GSE1: variants seen among roughly 807,000 people sequenced by gnomAD.
GSE1 encodes genetic suppressor element 1.
In GSE1, 32 loss-of-function variants were observed where a neutral mutation model predicts 112.6. The observed-to-expected ratio is 0.28, with a 90% CI of 0.21 to 0.38. The LOEUF (loss-of-function observed/expected upper bound fraction) is 0.38. GSE1 is among the 10% of genes least tolerant of loss of function. The pLI, the probability that GSE1 is intolerant of heterozygous loss-of-function variation, is 1.00. For synonymous variants in GSE1, 1,115 were observed against 735.6 expected, an observed-to-expected ratio of 1.52 and a Z score of -8.35; for missense variants, 2,348 against 1,699.2, an observed-to-expected ratio of 1.38 and a Z score of -6.71.
At chr16:85,288,490 G>A (rs571298548) in intron 1 of GSE1, among the ~76,000 whole-genome samples, 125 of 152,308 alleles carry the variant, frequency 8.2e-4, no homozygotes, top group Middle Eastern at 3.4e-3. Flanking sequence ...TGGGGGCACT[G>A]GGGAGGTGGA....
chr16:85,422,079 T>G (rs8046241), intron 2 of GSE1, among the ~76,000 whole-genome samples: 3 of 152,084 alleles, frequency 2.0e-5, no homozygotes, highest in African/African-American at 7.3e-5. Context: ...ATGGAAAAGC[T>G]GCACCTCTGA....
rs1491368756 is a variant in GSE1 at position 85,556,151 on chromosome 16, GGA to G, written c.-175_-174del. On this transcript the variant is annotated 5_prime_UTR_variant, in exon 1 of 3. Transcript: ENST00000635906. ...TTGATCATCTTGCGGGGCGGGGGGGGGAAAGACTGATTTTTTTTTTTCGTCGC... is the reference window on the plus strand; with the variant it reads ...TTGATCATCTTGCGGGGCGGGGGGGGAAGACTGATTTTTTTTTTTCGTCGC... The G allele has an allele frequency of 1.1e-5, 10 of 928,526 alleles. No homozygotes were observed. The African/African-American group carries it at 1.4e-4, about 13-fold the overall frequency. 57.5% of individuals were successfully genotyped at this position (928,526 alleles called of 1,614,324 possible).
intron 2 of GSE1, among the ~76,000 whole-genome samples, chr16:85,520,348 G>T (rs1013201973): frequency 3.3e-5 from 5 of 151,078 alleles, no homozygotes; most frequent in Non-Finnish European, 7.4e-5. Flanking sequence ...TTGGAGGCGG[G>T]GACACAAACA....
chr16:85,671,136 C>T (rs371261948), intron 15 of GSE1, 38 bp downstream of exon 15: 3 of 1,194,616 alleles, frequency 2.5e-6, no homozygotes, highest in African/African-American at 3.0e-5. Flanking sequence ...AAACACGCAA[C>T]CTTTTGAGTT....
intron 1 of GSE1, among the ~76,000 whole-genome samples, chr16:85,276,584 C>T (rs1246317312): frequency 1.3e-5 from 2 of 152,214 alleles, no homozygotes; most frequent in East Asian, 1.9e-4. Context: ...AGAAAGGGCC[C>T]GGGTTCGGGG....
intron 2 of GSE1, among the ~76,000 whole-genome samples, chr16:85,389,675 G>A (rs896372874): frequency 1.3e-5 from 2 of 152,190 alleles, no homozygotes; most frequent in East Asian, 1.9e-4. Flanking sequence ...TGCTCTCACG[G>A]CTGAGCCCCC....
intron 1 of GSE1, among the ~76,000 whole-genome samples, chr16:85,336,900 G>A (rs899015346): frequency 1.5e-4 from 23 of 152,182 alleles, no homozygotes; most frequent in Admixed American, 7.9e-4. Flanking sequence ...AGGCACACAC[G>A]TTCGTGTACA....
chr16:85,536,224 T>G (rs1242342207), intron 2 of GSE1, among the ~76,000 whole-genome samples: 1 of 152,218 alleles, frequency 6.6e-6, no homozygotes, highest in African/African-American at 2.4e-5. Context: ...GTTCTCTCCG[T>G]GGGGCCTCCC....
chr16:85,390,347 G>A (rs957979416), intron 2 of GSE1, among the ~76,000 whole-genome samples: 2 of 152,154 alleles, frequency 1.3e-5, no homozygotes, highest in African/African-American at 4.8e-5. Context: ...GGCCTCCTTT[G>A]CTTTCTGGCA....
chr16:85,510,403 C>T (rs1244180880), intron 2 of GSE1, among the ~76,000 whole-genome samples: 2 of 56,292 alleles, frequency 3.6e-5, no homozygotes, highest in South Asian at 7.8e-4. Context: ...AGGGCCCGAG[C>T]GTGCGTGTGT....
intron 1 of GSE1, among the ~76,000 whole-genome samples, chr16:85,301,856 G>C (rs1259154148): frequency 6.6e-6 from 1 of 152,184 alleles, no homozygotes. Context: ...CCAGGAACCC[G>C]TGACCTTGTC....
chr16:85,170,012 G>C, exon 1 of GSE1: 1 of 984,562 alleles, frequency 1.0e-6, no homozygotes. Flanking sequence ...CGGCTGCGCG[G>C]GGCCGCGGAG....
intron 1 of GSE1, among the ~76,000 whole-genome samples, chr16:85,205,117 TTTTA>T (rs1224329462): frequency 6.6e-6 from 1 of 152,030 alleles, no homozygotes; most frequent in African/African-American, 2.4e-5. Context: ...CTCCTTTAAT[TTTTA>T]TTTATTTATT....
At chr16:85,348,767 T>C (rs973348207) in intron 1 of GSE1, among the ~76,000 whole-genome samples, 18 of 152,176 alleles carry the variant, frequency 1.2e-4, no homozygotes, top group Non-Finnish European at 2.1e-4. Context: ...CTCGGGCAGC[T>C]GCAGCCAGCC....
intron 2 of GSE1, among the ~76,000 whole-genome samples, chr16:85,416,525 C>A (rs12921982): frequency 6.6e-6 from 1 of 151,998 alleles, no homozygotes; most frequent in Non-Finnish European, 1.5e-5. Flanking sequence ...ACGTGGGATG[C>A]GGTGTGCCCA....
intron 2 of GSE1, among the ~76,000 whole-genome samples, chr16:85,511,991 C>T (rs1316221593): frequency 6.6e-6 from 1 of 152,212 alleles, no homozygotes; most frequent in Non-Finnish European, 1.5e-5. Context: ...TCTCCCACTG[C>T]TCTGTAGTCA....
At position 85,269,192 on chromosome 16, in the gene GSE1, A is replaced by G. The variant is rs563834315; in HGVS notation, c.2284-88271A>G. On this transcript the variant is annotated intron_variant, in intron 1 of 2. Transcript: ENST00000637419. ...ATCTAATATGGAGAGATGAAAATAA[A>G]TGAGCCACCCCCACCTCCAATTTAC... Among the ~76,000 whole-genome samples, 641 of 149,496 alleles carry G rather than the reference A, an allele frequency of 4.3e-3. 79 individuals carry two copies. Among genetic ancestry groups the G allele is most frequent in the Non-Finnish European group, 5.6e-3 (371 of 66,254 alleles).
chr16:85,644,945 C>T (rs1410721875), intron 2 of GSE1, among the ~76,000 whole-genome samples: 1 of 151,874 alleles, frequency 6.6e-6, no homozygotes, highest in Non-Finnish European at 1.5e-5. Context: ...AATCTAAATA[C>T]ATACAGAAAA....
chr16:85,525,188 G>A (rs13334135), intron 2 of GSE1, among the ~76,000 whole-genome samples: 4 of 152,242 alleles, frequency 2.6e-5, no homozygotes, highest in African/African-American at 9.6e-5. Flanking sequence ...TTCATCAGCC[G>A]GGGAGGGCAC....
Sources: allele counts gnomAD v4.1 joint callset (sites outside exome capture counted in the v4.1 genomes callset), GRCh38; gene constraint gnomAD v4.1.1; transcripts MANE v1.5; gene names NCBI Gene and HGNC (gene_info 2026-07-23, HGNC 2026-07-21).